ADAMTSL1: variants seen among roughly 807,000 people sequenced by gnomAD.
The protein encoded by ADAMTSL1 is ADAMTS like 1, also known as ADAMTS-like protein 1.
ADAMTSL1 carries 126 observed loss-of-function variants against 201.8 expected under a neutral mutation model. That is an observed-to-expected ratio of 0.62 (90% CI 0.54 to 0.72). The LOEUF is 0.72. ADAMTSL1 is among the 30% of genes least tolerant of loss of function. The pLI, the probability that ADAMTSL1 is intolerant of heterozygous loss-of-function variation, is 0.00. For synonymous variants in ADAMTSL1, 1,121 were observed against 903.4 expected (o/e 1.24, Z -4.32); for missense variants, 2,679 against 2,277.8 (o/e 1.18, Z -3.59).
rs907986591 is a variant in ADAMTSL1 at position 18,176,010 on chromosome 9, A to G, written c.207+12029A>G. Among the ~76,000 whole-genome samples, 463 of 48,756 alleles carry G rather than the reference A, an allele frequency of 9.5e-3. 3 individuals carry two copies. The highest frequency in any genetic ancestry group is 0.018 in the Non-Finnish European group (315 of 17,346). 32.0% of individuals were successfully genotyped at this position (48,756 alleles called of 152,430 possible). ...AAGGGGCTAAGAAGAGGGAAAGCAA[A>G]AAAAAAAAAAAAAAAAAAAAAAAGG... On this transcript the variant is annotated intron_variant, in intron 2 of 29. Transcript: ENST00000680146.
intron 20 of ADAMTSL1, among the ~76,000 whole-genome samples, chr9:18,802,123 AAATC>A (rs1386099242): frequency 6.6e-6 from 1 of 152,050 alleles, no homozygotes; most frequent in African/African-American, 2.4e-5. Flanking sequence ...ACAAAAATAA[AAATC>A]AACACAGGTG....
chr9:18,241,432 C>G (rs992722362), intron 2 of ADAMTSL1, among the ~76,000 whole-genome samples: 1 of 152,054 alleles, frequency 6.6e-6, no homozygotes, highest in African/African-American at 2.4e-5. Context: ...TCAATGATAT[C>G]TTGTCCAGGT....
intron 6 of ADAMTSL1, among the ~76,000 whole-genome samples, chr9:18,636,983 A>G (rs933945765): frequency 1.2e-4 from 18 of 152,162 alleles, no homozygotes; most frequent in African/African-American, 4.1e-4. Flanking sequence ...TATGAATGAA[A>G]TCACGCTAAA....
intron 2 of ADAMTSL1, among the ~76,000 whole-genome samples, chr9:18,216,453 A>G (rs1460009857): frequency 6.6e-6 from 1 of 152,208 alleles, no homozygotes; most frequent in African/African-American, 2.4e-5. Flanking sequence ...AGAAACACAG[A>G]TGAAAGATTA....
chr9:18,844,690 C>G (rs2082577), intron 23 of ADAMTSL1, among the ~76,000 whole-genome samples: 2 of 151,986 alleles, frequency 1.3e-5, no homozygotes, highest in African/African-American at 2.4e-5. Context: ...GTGGGCTCCA[C>G]CCAGTTCGAG....
chr9:18,016,096 C>T lies in ADAMTSL1; in HGVS notation c.87+109174C>T, dbSNP rs147439001. ...TAACTTCCTCAAGGATTTAAATAGG[C>T]GGGAATGTTCCTGTTATGGGGTAAA... On this transcript the variant is annotated intron_variant, in intron 1 of 29. Transcript: ENST00000680146. 4.1e-3 allele frequency among the ~76,000 whole-genome samples: 624 copies of T among 152,044 alleles called. 2 individuals are homozygous for T. The highest frequency in any genetic ancestry group is 5.4e-3 in the African/African-American group (224 of 41,510).
intron 16 of ADAMTSL1, among the ~76,000 whole-genome samples, chr9:18,767,799 G>T (rs773108745): frequency 2.7e-4 from 41 of 152,192 alleles, no homozygotes; most frequent in Non-Finnish European, 3.7e-4. Context: ...CTTCAATACA[G>T]AAGAGCCCAC....
intron 2 of ADAMTSL1, among the ~76,000 whole-genome samples, chr9:18,185,859 G>A (rs144135007): frequency 6.6e-6 from 1 of 152,028 alleles, no homozygotes; most frequent in Non-Finnish European, 1.5e-5. Context: ...ATACAATTGG[G>A]AAAAAAGTTT....
intron 4 of ADAMTSL1, among the ~76,000 whole-genome samples, chr9:18,583,721 A>T (rs1823274147): frequency 6.6e-6 from 1 of 152,174 alleles, no homozygotes; most frequent in Non-Finnish European, 1.5e-5. Flanking sequence ...GGAGCTACCC[A>T]AGACCGTGGG....
At chr9:18,147,156 C>T (rs1826680034) in intron 1 of ADAMTSL1, among the ~76,000 whole-genome samples, 1 of 152,016 alleles carries the variant, frequency 6.6e-6, no homozygotes, top group African/African-American at 2.4e-5. Flanking sequence ...ACCTCTGAAA[C>T]TTAGTTTGAC....
At chr9:18,631,431 C>T (rs958407532) in intron 5 of ADAMTSL1, among the ~76,000 whole-genome samples, 1 of 152,160 alleles carries the variant, frequency 6.6e-6, no homozygotes, top group African/African-American at 2.4e-5. Context: ...TTTAAACCTC[C>T]TCAAGATTGG....
At chr9:18,090,398 A>G (rs923750025) in intron 1 of ADAMTSL1, among the ~76,000 whole-genome samples, 12 of 152,230 alleles carry the variant, frequency 7.9e-5, no homozygotes, top group Non-Finnish European at 1.6e-4. Flanking sequence ...TATACACTGA[A>G]TAGAATATTA....
At chr9:17,965,984 T>C (rs925033878) in intron 1 of ADAMTSL1, among the ~76,000 whole-genome samples, 1 of 152,190 alleles carries the variant, frequency 6.6e-6, no homozygotes, top group African/African-American at 2.4e-5. Context: ...TGCCAAATTT[T>C]GAACTAGTGA....
At chr9:18,329,189 A>T (rs992615888) in intron 2 of ADAMTSL1, among the ~76,000 whole-genome samples, 26 of 152,148 alleles carry the variant, frequency 1.7e-4, no homozygotes, top group African/African-American at 6.0e-4. Flanking sequence ...CACAGTGAGA[A>T]GATGGCCATC....
chr9:18,356,888 A>T (rs1185477353), intron 2 of ADAMTSL1, among the ~76,000 whole-genome samples: 1 of 152,212 alleles, frequency 6.6e-6, no homozygotes, highest in East Asian at 1.9e-4. Context: ...ACATGTAGAC[A>T]TCTGTGCTGA....
At chr9:17,957,725 G>C (rs568857454) in intron 1 of ADAMTSL1, among the ~76,000 whole-genome samples, 1 of 152,286 alleles carries the variant, frequency 6.6e-6, no homozygotes, top group African/African-American at 2.4e-5. Flanking sequence ...CCCTAAATCT[G>C]ATGACTGGTG....
At chr9:18,162,383 A>G (rs1827431734) in intron 1 of ADAMTSL1, among the ~76,000 whole-genome samples, 1 of 152,018 alleles carries the variant, frequency 6.6e-6, no homozygotes, top group African/African-American at 2.4e-5. Context: ...TACTAACCCT[A>G]ATTAGTAGTC....
intron 2 of ADAMTSL1, among the ~76,000 whole-genome samples, chr9:18,255,646 A>T (rs571181748): frequency 6.6e-6 from 1 of 152,348 alleles, no homozygotes; most frequent in Admixed American, 6.5e-5. Context: ...TTCCTCTCTA[A>T]AGGAAATATC....
rs1042909759 is a variant in ADAMTSL1 at position 18,264,241 on chromosome 9, T to C, written c.207+100260T>C. On this transcript the variant is annotated intron_variant, in intron 2 of 29. Coordinates refer to the ADAMTSL1 transcript ENST00000680146. ...GTCCCTCAAATACCTTCAAATATAG[T>C]TTCTTTTTCTTGATTCTGGCTATCT... 2.6e-5 allele frequency among the ~76,000 whole-genome samples: 4 copies of C among 152,190 alleles called. No homozygotes were observed. The East Asian group carries it at 7.7e-4, about 29-fold the overall frequency.
Sources: gnomAD v4.1 joint callset for allele counts (sites outside exome capture counted in the v4.1 genomes callset) on GRCh38, gnomAD v4.1.1 for gene constraint, MANE v1.5 for transcripts, NCBI Gene and HGNC (gene_info 2026-07-23, HGNC 2026-07-21) for gene names.